The following BNIP2 variants were observed in gnomAD, a reference collection of about 807,000 sequenced individuals.
BNIP2 encodes BCL2 interacting protein 2.
A neutral mutation model predicts 43.4 loss-of-function variants in BNIP2; 36 were observed. The observed-to-expected ratio is 0.83, with a 90% confidence interval of 0.64 to 1.10. The LOEUF (loss-of-function observed/expected upper bound fraction) is 1.10. Among genes scored for constraint, BNIP2 ranks in the 50% least tolerant of loss-of-function variants. BNIP2 has a pLI of 0.00. For synonymous variants in BNIP2, 146 were observed against 121.0 expected (o/e 1.21, Z -1.35); for missense variants, 417 against 374.1 (o/e 1.11, Z -0.95).
intron 6 of BNIP2, among the ~76,000 whole-genome samples, chr15:59,671,626 T>TA (rs1261588102): frequency 3.9e-5 from 6 of 152,198 alleles, no homozygotes; most frequent in Non-Finnish European, 8.8e-5. Context: ...TACTTCTCTT[T>TA]ACCCCTGTGT....
chr15:59,681,902 A>C (rs903102402), intron 2 of BNIP2, among the ~76,000 whole-genome samples: 1 of 152,242 alleles, frequency 6.6e-6, no homozygotes, highest in Non-Finnish European at 1.5e-5. Context: ...TTAAGTGACC[A>C]AAACAAAAAT....
At chr15:59,680,367 T>C in intron 2 of BNIP2, 59 bp from the exon 3 acceptor site, 2 of 1,286,748 alleles carry the variant, frequency 1.6e-6, no homozygotes, top group East Asian at 2.5e-5. Context: ...TTTTTTGAAG[T>C]TCAATCTATT....
chr15:59,664,331 T>C (rs374891847), intron 9 of BNIP2, among the ~76,000 whole-genome samples: 2 of 152,196 alleles, frequency 1.3e-5, no homozygotes, highest in East Asian at 1.9e-4. Flanking sequence ...AATGTGACCG[T>C]TGTTTCTTTA....
At chr15:59,673,604 T>A (rs1893076467) in intron 5 of BNIP2, among the ~76,000 whole-genome samples, 1 of 151,980 alleles carries the variant, frequency 6.6e-6, no homozygotes, top group African/African-American at 2.4e-5. Context: ...CTTTATAAAA[T>A]TTTTTTTGTA....
At chr15:59,666,314 T>C (rs1892563875) in intron 9 of BNIP2, among the ~76,000 whole-genome samples, 2 of 152,154 alleles carry the variant, frequency 1.3e-5, no homozygotes, top group Non-Finnish European at 1.5e-5. Flanking sequence ...TTAGCACCAC[T>C]ACTTATCATA....
chr15:59,680,388 C>G (rs995609841), intron 2 of BNIP2, 80 bp from the exon 3 acceptor site: 1 of 1,038,838 alleles, frequency 9.6e-7, no homozygotes, highest in Non-Finnish European at 1.4e-6. Flanking sequence ...AAACATACAG[C>G]TTATAGAAAT....
At position 59,679,609 on chromosome 15, in the gene BNIP2, T is replaced by C. The variant is rs1274227853; in HGVS notation, c.278A>G (p.Asn93Ser). 6.2e-7 allele frequency: 1 copy of C among 1,612,958 alleles called. No individual in the cohort carries two copies. The highest frequency in any genetic ancestry group is 1.1e-5 in the South Asian group (1 of 90,934). Reference sequence around the variant, plus strand: ...ACATTTACCTTCCCACTCAAACTCATTACTATTCTCTGACGGTGTGTCTAA... The same window carrying C: ...ACATTTACCTTCCCACTCAAACTCACTACTATTCTCTGACGGTGTGTCTAA... The part of the protein sequence containing the change: ...DGLDTPSENS[N>S]EFEWEDDLPK... Residue 93 changes from asparagine to serine, a missense_variant, in exon 4 of 10, where the codon AAT becomes AGT. By Grantham distance (46) the Asn-to-Ser change is conservative. Transcript: ENST00000607373.
At chr15:59,688,909 A>C in intron 1 of BNIP2, 1 of 1,464,276 alleles carries the variant, frequency 6.8e-7, no homozygotes, top group Non-Finnish European at 9.0e-7. Flanking sequence ...GGGGGGCCAA[A>C]CTGCCAAATA....
rs1236813180 is a variant in BNIP2 at position 59,660,699 on chromosome 15, A to C, written c.*3370T>G. The C allele has an allele frequency of 1.2e-4, 18 of 152,208 alleles. No individual in the cohort carries two copies. Among genetic ancestry groups the C allele is most frequent in the Admixed American group, 4.6e-4 (7 of 15,284 alleles). The allele number at this position is 152,208 out of a possible 1,614,324, so 9.4% of individuals were successfully genotyped here. Reference sequence around the variant, plus strand: ...TTCTAGCTACAGATATATGCTTGCCAATCAGCATATTTCAGTATTCAGTGC... The same window carrying C: ...TTCTAGCTACAGATATATGCTTGCCCATCAGCATATTTCAGTATTCAGTGC... On this transcript the variant is annotated 3_prime_UTR_variant, in exon 10 of 10. Coordinates refer to ENST00000607373, the MANE Select transcript of BNIP2 (RefSeq NM_004330.4).
At chr15:59,673,416 G>A (rs954421849) in intron 5 of BNIP2, among the ~76,000 whole-genome samples, 7 of 152,066 alleles carry the variant, frequency 4.6e-5, no homozygotes, top group African/African-American at 1.7e-4. Flanking sequence ...GCCCGGCAAA[G>A]TGGGTGCTTT....
intron 1 of BNIP2, 40 bp from the exon 2 acceptor site, chr15:59,682,554 A>G (rs1305272201): frequency 6.6e-7 from 1 of 1,515,266 alleles, no homozygotes; most frequent in Non-Finnish European, 9.0e-7. Flanking sequence ...TTTCCACTTT[A>G]CTTTTTATCC....
At chr15:59,683,481 G>A (rs774572296) in intron 1 of BNIP2, among the ~76,000 whole-genome samples, 1 of 152,188 alleles carries the variant, frequency 6.6e-6, no homozygotes, top group Non-Finnish European at 1.5e-5. Context: ...ATATTTAAGA[G>A]ATACGGAGCA....
intron 1 of BNIP2, among the ~76,000 whole-genome samples, chr15:59,684,235 C>G (rs1398003072): frequency 2.6e-5 from 4 of 152,192 alleles, no homozygotes; most frequent in Admixed American, 2.6e-4. Flanking sequence ...TGATGATACA[C>G]TTGTTACCAC....
chr15:59,664,221 CAAAG>C, intron 9 of BNIP2, 101 bp from the exon 10 acceptor site: 1 of 659,796 alleles, frequency 1.5e-6, no homozygotes, highest in Non-Finnish European at 2.3e-6. Context: ...CTGTTAAAGA[CAAAG>C]CTTTGCAAAG....
chr15:59,688,653 A>G, intron 1 of BNIP2: 2 of 1,486,372 alleles, frequency 1.3e-6, no homozygotes, highest in Non-Finnish European at 9.1e-7. Context: ...TATTTGGTTT[A>G]GCGTACTAGG....
Position 59,679,680 on chromosome 15 carries a change from T to C in BNIP2, c.207A>G (p.Val69=), listed in dbSNP as rs1467800108. 1 of 1,612,168 alleles carries C rather than the reference T, an allele frequency of 6.2e-7. No individual in the cohort carries two copies. The highest frequency in any genetic ancestry group is 1.1e-5 in the South Asian group (1 of 90,822). ...CACTTTCATCCAAATCATCTGACAATACAGAGCCATCACTAGGATCCAGTG... is the reference window on the plus strand; with the variant it reads ...CACTTTCATCCAAATCATCTGACAACACAGAGCCATCACTAGGATCCAGTG... ...SLTLDPSDGS[V]LSDDLDESGE... Residue 69 remains valine (V), a synonymous_variant, in exon 4 of 10, where the codon GTA becomes GTG. Coordinates refer to ENST00000607373, the MANE Select transcript of BNIP2 (RefSeq NM_004330.4).
At chr15:59,668,110 GTTTC>G (rs1566956005) in intron 9 of BNIP2, 1 of 1,296,386 alleles carries the variant, frequency 7.7e-7, no homozygotes. Flanking sequence ...TACCTTTTTT[GTTTC>G]TTTTTAAACT....
chr15:59,687,656 C>T (rs1450649955), intron 1 of BNIP2, among the ~76,000 whole-genome samples: 2 of 152,094 alleles, frequency 1.3e-5, no homozygotes, highest in Non-Finnish European at 2.9e-5. Context: ...ATCTTTCAAT[C>T]TATCAGCCCG....
chr15:59,688,055 T>G (rs1894131860), intron 1 of BNIP2, among the ~76,000 whole-genome samples: 1 of 152,202 alleles, frequency 6.6e-6, no homozygotes, highest in South Asian at 2.1e-4. Flanking sequence ...CTTATGATAA[T>G]CTAGTTCAAG....
Sources: allele counts gnomAD v4.1 joint callset (sites outside exome capture counted in the v4.1 genomes callset), GRCh38; gene constraint gnomAD v4.1.1; transcripts MANE v1.5; gene names NCBI Gene and HGNC (gene_info 2026-07-23, HGNC 2026-07-21).